TEX26: variants seen among roughly 807,000 people sequenced by gnomAD.
TEX26 encodes the protein testis-expressed protein 26.
In TEX26, 34 loss-of-function variants were observed where a neutral mutation model predicts 35.3. The observed-to-expected ratio is 0.96, with a 90% CI of 0.73 to 1.28. The LOEUF is 1.28. TEX26 is among the 50% of genes most tolerant of loss of function. The pLI, the probability that TEX26 is intolerant of heterozygous loss-of-function variation, is 0.00. For synonymous variants in TEX26, 136 were observed against 111.8 expected, an observed-to-expected ratio of 1.22 and a Z score of -1.36; for missense variants, 371 against 330.1, an observed-to-expected ratio of 1.12 and a Z score of -0.96.
chr13:30,956,376 T>C lies in TEX26; in HGVS notation c.313-497T>C, dbSNP rs566091018. ...TTTTTTATGGCTGCATAGTATTCCA[T>C]GGTGTATATGTGCCACATTTTCTTA... On this transcript the variant is annotated intron_variant, in intron 3 of 6. Transcript: ENST00000380473. 3.9e-3 allele frequency among the ~76,000 whole-genome samples: 586 copies of C among 152,164 alleles called. 1 individual carries two copies. Among genetic ancestry groups the C allele is most frequent in the South Asian group, 7.9e-3 (38 of 4,820 alleles).
chr13:30,940,780 A>T (rs1196495836), intron 2 of TEX26, among the ~76,000 whole-genome samples: 1 of 152,012 alleles, frequency 6.6e-6, no homozygotes, highest in Non-Finnish European at 1.5e-5. Context: ...TCTACCTAAA[A>T]TACAAAAATT....
In TEX26 at chr13:30,968,993, A is replaced by G. The variant is rs200407837; in HGVS notation, c.755A>G (p.Asn252Ser). ...KTYPDFLMLL[N>S]SFTSSQVKEY... ...TACCCAGATTTCTTAATGCTTTTAA[A>G]CTCATTTACTTCCTCTCAAGTCAAA... Residue 252 changes from asparagine (N) to serine (S), a missense_variant, in exon 6 of 7, where the codon AAC (asparagine) becomes AGC (serine). By Grantham distance (46) the Asn-to-Ser change is conservative (BLOSUM62 1). Transcript: ENST00000380473. 9.5e-5 allele frequency: 154 copies of G among 1,614,050 alleles called. No individual in the cohort carries two copies. The highest frequency in any genetic ancestry group is 1.2e-4 in the Non-Finnish European group (142 of 1,179,984).
intron 2 of TEX26, among the ~76,000 whole-genome samples, chr13:30,950,476 A>T (rs1184423566): frequency 6.6e-6 from 1 of 152,206 alleles, no homozygotes; most frequent in Non-Finnish European, 1.5e-5. Context: ...CTTTCCAGCT[A>T]ATGGTATGTC....
chr13:30,934,874 T>C (rs1432153936), intron 1 of TEX26, among the ~76,000 whole-genome samples: 1 of 152,210 alleles, frequency 6.6e-6, no homozygotes, highest in Non-Finnish European at 1.5e-5. Flanking sequence ...CCTGTGCCTC[T>C]GAGCCTCCCT....
At chr13:30,974,685 T>C (rs550123431) in intron 6 of TEX26, 161 bp from the exon 7 acceptor site, 12 of 565,292 alleles carry the variant, frequency 2.1e-5, no homozygotes, top group Non-Finnish European at 3.6e-5. Context: ...CAACTGTGCC[T>C]GTTTAGGTAT....
chr13:30,962,627 G>A (rs1397651675), intron 4 of TEX26, among the ~76,000 whole-genome samples: 1 of 152,164 alleles, frequency 6.6e-6, no homozygotes, highest in Non-Finnish European at 1.5e-5. Flanking sequence ...TGAAGAACAA[G>A]GGCCATGTCT....
At chr13:30,958,560 G>A (rs759245662) in intron 4 of TEX26, among the ~76,000 whole-genome samples, 4 of 152,212 alleles carry the variant, frequency 2.6e-5, no homozygotes, top group East Asian at 1.9e-4. Context: ...CTGTTCACCC[G>A]AGGACAGGAG....
At chr13:30,956,733 G>C (rs1954145940) in intron 3 of TEX26, 140 bp from the exon 4 acceptor site, 2 of 705,954 alleles carry the variant, frequency 2.8e-6, no homozygotes, top group African/African-American at 3.6e-5. Context: ...TCCTGTTGAC[G>C]GGCTCCCAGC....
chr13:30,972,048 T>A (rs1174295850), intron 6 of TEX26, among the ~76,000 whole-genome samples: 1 of 152,244 alleles, frequency 6.6e-6, no homozygotes, highest in Non-Finnish European at 1.5e-5. Context: ...GAACTCATTA[T>A]CTGGTATGGG....
chr13:30,966,857 C>G (rs759644414), intron 5 of TEX26, among the ~76,000 whole-genome samples: 15 of 152,180 alleles, frequency 9.9e-5, no homozygotes, highest in African/African-American at 1.4e-4. Context: ...AGCCAGAGAT[C>G]CTGGCATGAA....
At position 30,952,809 on chromosome 13, in the gene TEX26, A is replaced by C; in HGVS notation, c.296A>C (p.Lys99Thr). 2 of 1,612,914 alleles carry C rather than the reference A, an allele frequency of 1.2e-6. No homozygotes were observed. The highest frequency in any genetic ancestry group is 1.7e-6 in the Non-Finnish European group (2 of 1,179,488). The change falls in exon 3 of 7, where the codon AAA (lysine) becomes ACA (threonine). Residue 99 changes from lysine (K) to threonine (T), a missense_variant. By Grantham distance (78) the Lys-to-Thr change is moderately conservative (BLOSUM62 -1). Transcript: ENST00000380473. ...TETSRGIKSH[K>T]SHLNEDIFLW... The stretch of plus-strand genomic sequence containing the variant: ...ACTTCAAGAGGAATCAAGAGCCACA[A>C]ATCTCATCTCAATGAAGTAAGATAA...
At chr13:30,948,975 C>T (rs1000553065) in intron 2 of TEX26, among the ~76,000 whole-genome samples, 1 of 152,124 alleles carries the variant, frequency 6.6e-6, no homozygotes, top group Non-Finnish European at 1.5e-5. Flanking sequence ...CCAGTTTTCC[C>T]AGCACCATTT....
chr13:30,975,276 C>A lies in TEX26; in HGVS notation c.*369C>A. The A allele has an allele frequency of 6.4e-6, 1 of 156,334 alleles. No homozygotes were observed. The highest frequency in any genetic ancestry group is 1.4e-5 in the Non-Finnish European group (1 of 70,934). 9.7% of individuals were successfully genotyped at this position (156,334 alleles called of 1,614,324 possible). On this transcript the variant is annotated 3_prime_UTR_variant, in exon 7 of 7. Coordinates refer to ENST00000380473, the MANE Select transcript of TEX26 (RefSeq NM_152325.3). ...AAGAAATCATTTTATTGCCTTATCT[C>A]TTCTTTGAATGAATGAAAGTTTAAA...
chr13:30,934,310 C>T (rs781290607), intron 1 of TEX26, among the ~76,000 whole-genome samples: 4 of 152,208 alleles, frequency 2.6e-5, no homozygotes, highest in Non-Finnish European at 4.4e-5. Context: ...GAGAGTCACC[C>T]TCCAAATGGT....
intron 1 of TEX26, 21 bp downstream of exon 1, chr13:30,932,797 G>C (rs773955884): frequency 6.2e-7 from 1 of 1,611,752 alleles, no homozygotes; most frequent in South Asian, 1.1e-5. Context: ...AGACTCTGCC[G>C]GTCTGCGGGG....
At chr13:30,970,605 G>A (rs1954680242) in intron 6 of TEX26, among the ~76,000 whole-genome samples, 2 of 152,168 alleles carry the variant, frequency 1.3e-5, no homozygotes, top group African/African-American at 4.8e-5. Flanking sequence ...ATCCACATCT[G>A]TTGGACCCTG....
At chr13:30,974,131 A>AAAAATATATATATATAT in intron 6 of TEX26, among the ~76,000 whole-genome samples, 27 of 84,406 alleles carry the variant, frequency 3.2e-4, no homozygotes, top group East Asian at 1.3e-3. Flanking sequence ...AAAAAAAAAA[A>AAAAATATATATATATAT]ATATATATAT....
intron 1 of TEX26, chr13:30,936,808 C>T (rs1382131967): frequency 4.1e-6 from 4 of 985,230 alleles, no homozygotes; most frequent in Non-Finnish European, 4.8e-6. Flanking sequence ...ATGAGCTACA[C>T]AAAAGGACAT....
At chr13:30,960,431 G>T (rs1954292833) in intron 4 of TEX26, among the ~76,000 whole-genome samples, 1 of 152,068 alleles carries the variant, frequency 6.6e-6, no homozygotes, top group Admixed American at 6.6e-5. Context: ...TTTTAGTAGA[G>T]TCAGGATTTC....
Sources: gnomAD v4.1 joint callset for allele counts (sites outside exome capture counted in the v4.1 genomes callset) on GRCh38, gnomAD v4.1.1 for gene constraint, MANE v1.5 for transcripts, NCBI Gene and HGNC (gene_info 2026-07-23, HGNC 2026-07-21) for gene names.